Variants in SDCBP observed in about 807,000 individuals in gnomAD.
SDCBP encodes the protein syntenin-1.
A neutral mutation model predicts 30.5 loss-of-function variants in SDCBP; 22 were observed. The ratio of observed to expected loss-of-function variants is 0.72; its 90% CI spans 0.52 to 1.03. SDCBP has a LOEUF of 1.03. Among genes scored for constraint, SDCBP ranks in the 50% least tolerant of loss-of-function variants. The pLI, the probability that SDCBP is intolerant of heterozygous loss-of-function variation, is 0.00. For synonymous variants in SDCBP, 103 were observed against 118.7 expected (o/e 0.87, Z 0.86); for missense variants, 304 against 369.9 (o/e 0.82, Z 1.46).
chr8:58,556,889 A>G (rs1175851737), intron 1 of SDCBP, among the ~76,000 whole-genome samples: 1 of 143,818 alleles, frequency 7.0e-6, no homozygotes, highest in Non-Finnish European at 1.5e-5. Flanking sequence ...ATATTATAAT[A>G]CGTATAATAC....
intron 3 of SDCBP, 87 bp downstream of exon 3, chr8:58,571,052 G>T: frequency 1.1e-6 from 1 of 931,592 alleles, no homozygotes; most frequent in East Asian, 2.5e-5. Context: ...ATTTTTTTTT[G>T]GACAGGCTGC....
chr8:58,569,723 C>A (rs996915858), intron 2 of SDCBP, among the ~76,000 whole-genome samples: 1 of 152,002 alleles, frequency 6.6e-6, no homozygotes, highest in African/African-American at 2.4e-5. Context: ...CCACTAGCTC[C>A]TTTTAGCTAA....
At chr8:58,561,752 TA>T (rs1804453058) in intron 1 of SDCBP, 3 of 682,832 alleles carry the variant, frequency 4.4e-6, no homozygotes, top group Middle Eastern at 2.3e-4. Flanking sequence ...AATTAAATGA[TA>T]AAGCTATGGA....
chr8:58,563,159 T>C (rs1308643267), intron 1 of SDCBP, among the ~76,000 whole-genome samples: 1 of 152,206 alleles, frequency 6.6e-6, no homozygotes, highest in Non-Finnish European at 1.5e-5. Flanking sequence ...GCATTATTTA[T>C]AATAGCCAAA....
In SDCBP at chr8:58,579,813, G is replaced by C. The variant is rs1456121360; in HGVS notation, c.750+19G>C. On this transcript the variant is annotated intron_variant, in intron 7 of 8. Transcript: ENST00000260130. Reference sequence around the variant, plus strand: ...ATTGAAGGTAAGGAACAGACTTTGTGCCATGTTCTGCTGCAGTTTTAGAAA... The same window carrying C: ...ATTGAAGGTAAGGAACAGACTTTGTCCCATGTTCTGCTGCAGTTTTAGAAA... 1 of 1,553,002 alleles carries C rather than the reference G, an allele frequency of 6.4e-7. No homozygotes were observed. Among genetic ancestry groups the C allele is most frequent in the Non-Finnish European group, 8.7e-7 (1 of 1,149,232 alleles).
chr8:58,570,221 G>T (rs919009707), intron 2 of SDCBP, among the ~76,000 whole-genome samples: 6 of 152,184 alleles, frequency 3.9e-5, no homozygotes, highest in African/African-American at 1.4e-4. Flanking sequence ...GAGGATACTT[G>T]AGCATGAGTA....
At chr8:58,580,218 A>G (rs1168172271) in intron 7 of SDCBP, among the ~76,000 whole-genome samples, 1 of 152,220 alleles carries the variant, frequency 6.6e-6, no homozygotes, top group Non-Finnish European at 1.5e-5. Context: ...TCCTCATTTC[A>G]TAGAATTTGA....
At chr8:58,568,815 C>A (rs1413566952) in intron 2 of SDCBP, among the ~76,000 whole-genome samples, 1 of 152,224 alleles carries the variant, frequency 6.6e-6, no homozygotes, top group Non-Finnish European at 1.5e-5. Flanking sequence ...AGGTTCACTG[C>A]TCGAAAAATT....
At chr8:58,559,190 T>A (rs771597671) in intron 1 of SDCBP, among the ~76,000 whole-genome samples, 1 of 152,192 alleles carries the variant, frequency 6.6e-6, no homozygotes, top group African/African-American at 2.4e-5. Flanking sequence ...GAGAAACTTC[T>A]ATGGAGAGAA....
At chr8:58,566,595 A>G (rs545647845) in intron 2 of SDCBP, among the ~76,000 whole-genome samples, 36 of 152,338 alleles carry the variant, frequency 2.4e-4, no homozygotes, top group African/African-American at 7.5e-4. Context: ...AGGAGTGGGA[A>G]ACATGGTTCT....
chr8:58,581,928 A>T lies in SDCBP; in HGVS notation c.*188A>T. The T allele has an allele frequency of 3.6e-6, 2 of 549,560 alleles. No homozygotes were observed. Among genetic ancestry groups the T allele is most frequent in the Non-Finnish European group, 6.5e-6 (2 of 308,518 alleles). The allele number at this position is 549,560 out of a possible 1,614,324, so 34.0% of individuals were successfully genotyped here. A position where few individuals can be genotyped will look rare whatever the true frequency, so the allele number is the denominator to read the frequency against. On this transcript the variant is annotated 3_prime_UTR_variant, in exon 9 of 9. Coordinates refer to ENST00000260130, the MANE Select transcript of SDCBP (RefSeq NM_005625.4). ...CTTGTTCAGATTTCAAAATAGTTGT[A>T]GCCTTATCCTGGTTTTACAGATGTG...
chr8:58,567,125 C>CT (rs56264772), intron 2 of SDCBP, among the ~76,000 whole-genome samples: 62,641 of 151,948 alleles, frequency 0.41, 13,762 homozygotes, highest in African/African-American at 0.57. Flanking sequence ...TGGGGCACCC[C>CT]AACCCCTTTT....
At chr8:58,563,572 TAAAA>T (rs143167665) in intron 1 of SDCBP, among the ~76,000 whole-genome samples, 1 of 149,844 alleles carries the variant, frequency 6.7e-6, no homozygotes, top group East Asian at 1.9e-4. Context: ...GAATTAAATT[TAAAA>T]AAAAAACTAT....
intron 1 of SDCBP, among the ~76,000 whole-genome samples, chr8:58,553,756 G>C (rs1803949715): frequency 6.6e-6 from 1 of 152,242 alleles, no homozygotes; most frequent in Non-Finnish European, 1.5e-5. Flanking sequence ...TTCTAGGGCT[G>C]TGCTTAATCG....
chr8:58,578,211 A>G lies in SDCBP; in HGVS notation c.578+3A>G. ...ATTACCATGACCATTCGTGACAGGT[A>G]AGCTGTTACTAAACAGCTCAAATGA... On this transcript the variant is annotated splice_donor_region_variant and intron_variant, in intron 6 of 8. Transcript: ENST00000260130. The G allele has an allele frequency of 1.3e-6, 2 of 1,535,954 alleles. No individual in the cohort carries two copies. Among genetic ancestry groups the G allele is most frequent in the Non-Finnish European group, 1.7e-6 (2 of 1,145,592 alleles).
chr8:58,558,775 C>G (rs899411959), intron 1 of SDCBP, among the ~76,000 whole-genome samples: 1 of 152,104 alleles, frequency 6.6e-6, no homozygotes, highest in Non-Finnish European at 1.5e-5. Flanking sequence ...TTGACCTATG[C>G]CTCAAGGCTA....
intron 1 of SDCBP, among the ~76,000 whole-genome samples, chr8:58,562,067 T>A (rs1804468729): frequency 6.7e-6 from 1 of 148,220 alleles, no homozygotes; most frequent in Non-Finnish European, 1.5e-5. Flanking sequence ...AATCAAAGCA[T>A]ATCTATTAAA....
chr8:58,581,191 C>T (rs934116356), intron 8 of SDCBP, among the ~76,000 whole-genome samples: 1 of 152,222 alleles, frequency 6.6e-6, no homozygotes, highest in Non-Finnish European at 1.5e-5. Context: ...GGAATCCTTT[C>T]AGAAGCTCTA....
intron 5 of SDCBP, among the ~76,000 whole-genome samples, chr8:58,576,922 C>T (rs1328141951): frequency 6.6e-6 from 1 of 152,218 alleles, no homozygotes; most frequent in Non-Finnish European, 1.5e-5. Flanking sequence ...CCTGCCCACC[C>T]AGGGGGCTGA....
Sources: allele counts gnomAD v4.1 joint callset (sites outside exome capture counted in the v4.1 genomes callset), GRCh38; gene constraint gnomAD v4.1.1; transcripts MANE v1.5; gene names NCBI Gene and HGNC (gene_info 2026-07-23, HGNC 2026-07-21).